The following FOXK2 variants were observed in gnomAD, a reference collection of about 807,000 sequenced individuals.
The protein encoded by FOXK2 is forkhead box protein K2.
In FOXK2, 24 loss-of-function variants were observed where a neutral mutation model predicts 53.3. The observed-to-expected ratio is 0.45, with a 90% CI of 0.33 to 0.63. The LOEUF (loss-of-function observed/expected upper bound fraction) is 0.63, where lower values mean the gene tolerates loss of function less well. Among genes scored for constraint, FOXK2 ranks in the 30% least tolerant of loss-of-function variants. The probability of loss-of-function intolerance (pLI) is 0.03; values close to 1 mark genes in which losing one functional copy is unlikely to be tolerated. For missense variants in FOXK2, 952 were observed against 910.5 expected (o/e 1.05, Z -0.59); for synonymous variants, 505 against 407.1 (o/e 1.24, Z -2.89).
intron 1 of FOXK2, among the ~76,000 whole-genome samples, chr17:82,525,391 G>A (rs151172791): frequency 9.3e-4 from 142 of 152,164 alleles, no homozygotes; most frequent in African/African-American, 3.3e-3. Context: ...TGTTGGTCAG[G>A]CTGGTCAGAA....
rs181659201 is a variant in FOXK2, at chr17:82,525,582, G to A, written c.419+5275G>A. ...GACAGGACAGTTTGGGTTTGTTGTT[G>A]CTATTTTTGTTGCCATGGTAACAAA... On this transcript the variant is annotated intron_variant, in intron 1 of 8. Transcript: ENST00000335255. Among the ~76,000 whole-genome samples the A allele has an allele frequency of 1.5e-3, 226 of 152,222 alleles. 2 individuals carry two copies. The highest frequency in any genetic ancestry group is 0.014 in the Admixed American group (220 of 15,278).
intron 1 of FOXK2, among the ~76,000 whole-genome samples, chr17:82,561,973 GA>G (rs1194411521): frequency 1.3e-5 from 2 of 152,204 alleles, no homozygotes; most frequent in African/African-American, 4.8e-5. Context: ...CGGGTGCGCG[GA>G]TGTGTGCTGG....
chr17:82,531,612 T>A (rs953168389), intron 1 of FOXK2, among the ~76,000 whole-genome samples: 2 of 152,182 alleles, frequency 1.3e-5, no homozygotes, highest in Non-Finnish European at 2.9e-5. Flanking sequence ...AAGCAACATG[T>A]GACTGTATTG....
intron 3 of FOXK2, among the ~76,000 whole-genome samples, chr17:82,571,190 C>T (rs1421534327): frequency 6.6e-6 from 1 of 152,134 alleles, no homozygotes; most frequent in Non-Finnish European, 1.5e-5. Flanking sequence ...GTCAAGCAGC[C>T]TTTATGTCTT....
chr17:82,521,911 G>C (rs1202132845), intron 1 of FOXK2, among the ~76,000 whole-genome samples: 3 of 151,370 alleles, frequency 2.0e-5, no homozygotes, highest in Non-Finnish European at 2.9e-5. Context: ...ACTCCAGCCT[G>C]GGGGACAGAG....
chr17:82,559,610 C>A, intron 1 of FOXK2: 1 of 407,802 alleles, frequency 2.5e-6, no homozygotes, highest in Middle Eastern at 4.7e-4. Context: ...GAACCTCGTG[C>A]CAGGCTGGTC....
At chr17:82,530,659 A>G (rs2044465227) in intron 1 of FOXK2, among the ~76,000 whole-genome samples, 1 of 151,650 alleles carries the variant, frequency 6.6e-6, no homozygotes, top group Non-Finnish European at 1.5e-5. Context: ...TACAGGCGCC[A>G]CCACCACGCT....
At position 82,524,532 on chromosome 17, in the gene FOXK2, C is replaced by A. The variant is rs537221298; in HGVS notation, c.419+4225C>A. On this transcript the variant is annotated intron_variant, in intron 1 of 8. Transcript: ENST00000335255. Reference sequence around the variant, plus strand: ...TAAGATGTGGATCCAAGTACTGTTTCCACAGTGGCTGGGGAGCCTCGAGCC... The same window carrying A: ...TAAGATGTGGATCCAAGTACTGTTTACACAGTGGCTGGGGAGCCTCGAGCC... 9.7e-4 allele frequency among the ~76,000 whole-genome samples: 148 copies of A among 152,288 alleles called. 1 individual carries two copies. Among genetic ancestry groups the A allele is most frequent in the Non-Finnish European group, 5.9e-4 (40 of 68,026 alleles).
chr17:82,565,021 C>A (rs149022418), intron 2 of FOXK2, among the ~76,000 whole-genome samples: 2 of 152,160 alleles, frequency 1.3e-5, no homozygotes, highest in African/African-American at 4.8e-5. Context: ...TGAGCCACCA[C>A]GCCTGGCCTC....
rs529897705 is a variant in FOXK2, at chr17:82,587,135, A to T, written c.1649A>T (p.Gln550Leu). The part of the protein sequence containing the change: ...GTASRIIQTA[Q>L]TTPVQTVTIV... The stretch of plus-strand genomic sequence containing the variant: ...GCCAGCCGGATCATTCAGACGGCAC[A>T]GACCACCCCGGTCCAGACGGTGACC... Residue 550 changes from glutamine (Q) to leucine (L), a missense_variant, in exon 8 of 9, where the codon CAG (glutamine) becomes CTG (leucine). Gln to Leu is a moderately radical substitution (Grantham distance 113). Around this residue, in one of 5 missense-constraint regions of FOXK2, gnomAD observed 551 missense variants for 385.1 expected, o/e 1.43. Transcript: ENST00000335255. The T allele has an allele frequency of 1.2e-6, 2 of 1,613,102 alleles. No homozygotes were observed. The highest frequency in any genetic ancestry group is 1.7e-6 in the Non-Finnish European group (2 of 1,180,022).
chr17:82,577,404 C>T (rs1402917651), intron 4 of FOXK2: 5 of 449,876 alleles, frequency 1.1e-5, no homozygotes, highest in South Asian at 6.6e-5. Flanking sequence ...ACTGCAGCCC[C>T]GAGCAGGCTC....
intron 6 of FOXK2, 114 bp from the exon 7 acceptor site, chr17:82,585,790 A>C (rs1053502341): frequency 9.7e-7 from 1 of 1,028,726 alleles, no homozygotes; most frequent in African/African-American, 1.6e-5. Flanking sequence ...AAATAGGGCC[A>C]TATCCTATAT....
Position 82,586,087 on chromosome 17 carries a change from T to A in FOXK2, c.1463T>A (p.Leu488Gln). 1 of 1,612,756 alleles carries A rather than the reference T, an allele frequency of 6.2e-7. No individual in the cohort carries two copies. Among genetic ancestry groups the A allele is most frequent in the Non-Finnish European group, 8.5e-7 (1 of 1,179,970 alleles). Residue 488 changes from leucine (L) to glutamine (Q), a missense_variant, in exon 7 of 9, where the codon CTG (leucine) becomes CAG (glutamine). Physicochemically the swap from Leu to Gln is moderately radical, Grantham distance 113. Around this residue, in one of 5 missense-constraint regions of FOXK2, gnomAD observed 551 missense variants for 385.1 expected, o/e 1.43. Transcript: ENST00000335255. The part of the protein sequence containing the change: ...PAVSVTSVAG[L>Q]APANTYTVSG... Reference sequence around the variant, plus strand: ...GTGTCGGTCACCAGTGTGGCCGGACTGGCCCCAGCGAACACGTACACTGTC... The same window carrying A: ...GTGTCGGTCACCAGTGTGGCCGGACAGGCCCCAGCGAACACGTACACTGTC...
In FOXK2 at chr17:82,580,176, A is replaced by G. The variant is rs150223282; in HGVS notation, c.910-2565A>G. On this transcript the variant is annotated intron_variant, in intron 4 of 8. Coordinates refer to ENST00000335255, the MANE Select transcript of FOXK2 (RefSeq NM_004514.4). ...CTCCTCTCCATGTCGCCGGTGAAGTAGCTCCATCCACAGGGCCCAGATCCC... is the reference window on the plus strand; with the variant it reads ...CTCCTCTCCATGTCGCCGGTGAAGTGGCTCCATCCACAGGGCCCAGATCCC... Among the ~76,000 whole-genome samples, 271 of 137,148 alleles carry G rather than the reference A, an allele frequency of 2.0e-3. 2 individuals are homozygous for G. The highest frequency in any genetic ancestry group is 7.2e-3 in the African/African-American group (257 of 35,450). 90.0% of individuals were successfully genotyped at this position (137,148 alleles called of 152,430 possible).
chr17:82,531,588 T>TG (rs2044472414), intron 1 of FOXK2, among the ~76,000 whole-genome samples: 1 of 152,206 alleles, frequency 6.6e-6, no homozygotes, highest in African/African-American at 2.4e-5. Flanking sequence ...TACAGCCACA[T>TG]GCTGCACAAA....
At chr17:82,531,574 C>G (rs1048095179) in intron 1 of FOXK2, among the ~76,000 whole-genome samples, 5 of 152,166 alleles carry the variant, frequency 3.3e-5, no homozygotes, top group Admixed American at 6.5e-5. Flanking sequence ...TATCCTGTTG[C>G]GCCTACAGCC....
In FOXK2 at chr17:82,586,130, C is replaced by A. The variant is rs7212607; in HGVS notation, c.1506C>A (p.Val502=). The change falls in exon 7 of 9, where the codon GTC becomes GTA. Residue 502 remains valine (V), a synonymous_variant. Coordinates refer to ENST00000335255, the MANE Select transcript of FOXK2 (RefSeq NM_004514.4). Reference sequence around the variant, plus strand: ...ACACTGTCTCTGGACAAGCTGTGGTCACCCCGGCAGCCGTGCTGGCCCCTC... The same window carrying A: ...ACACTGTCTCTGGACAAGCTGTGGTAACCCCGGCAGCCGTGCTGGCCCCTC... ...NTYTVSGQAV[V]TPAAVLAPPK... is the part of the protein sequence containing the mutation. 1.2e-3 allele frequency: 1,887 copies of A among 1,612,506 alleles called. 3 individuals carry two copies. Among genetic ancestry groups the A allele is most frequent in the Non-Finnish European group, 1.4e-3 (1,694 of 1,179,900 alleles).
At chr17:82,580,861 T>C (rs1177746273) in intron 4 of FOXK2, among the ~76,000 whole-genome samples, 2 of 125,372 alleles carry the variant, frequency 1.6e-5, no homozygotes, top group Non-Finnish European at 1.7e-5. Context: ...CTCCTCTCCA[T>C]GTCACCCATG....
At chr17:82,577,548 GC>G (rs994597114) in intron 4 of FOXK2, among the ~76,000 whole-genome samples, 1 of 152,074 alleles carries the variant, frequency 6.6e-6, no homozygotes, top group Admixed American at 6.5e-5. Context: ...CTGGGTTAGG[GC>G]CCCGCCGGGC....
Sources: allele counts gnomAD v4.1 joint callset (sites outside exome capture counted in the v4.1 genomes callset), GRCh38; gene constraint gnomAD v4.1.1; regional missense constraint gnomAD v4.1.1; transcripts MANE v1.5; gene names NCBI Gene and HGNC (gene_info 2026-07-23, HGNC 2026-07-21).